The following MYO18B variants were observed in gnomAD, a reference collection of about 807,000 sequenced individuals.
MYO18B encodes myosin XVIIIB, also known as unconventional myosin-XVIIIb.
MYO18B carries 204 observed loss-of-function variants against 273.0 expected under a neutral mutation model. The observed-to-expected ratio is 0.75, with a 90% CI of 0.67 to 0.84. The LOEUF (loss-of-function observed/expected upper bound fraction) is 0.84. Ranked by LOEUF, MYO18B falls within the 40% of genes least tolerant of loss-of-function variation. The pLI, the probability that MYO18B is intolerant of heterozygous loss-of-function variation, is 0.00. For missense variants in MYO18B, 3,212 were observed against 3,287.6 expected, an observed-to-expected ratio of 0.98 and a Z score of 0.56; for synonymous variants, 1,330 against 1,305.7, an observed-to-expected ratio of 1.02 and a Z score of -0.40.
intron 27 of MYO18B, among the ~76,000 whole-genome samples, chr22:25,892,810 T>C (rs2091697032): frequency 6.6e-6 from 1 of 152,138 alleles, no homozygotes; most frequent in South Asian, 2.1e-4. Context: ...GGGAACATGT[T>C]GGTATAAAAT....
At chr22:25,993,903 A>AT (rs557708965) in intron 40 of MYO18B, among the ~76,000 whole-genome samples, 91 of 119,168 alleles carry the variant, frequency 7.6e-4, no homozygotes, top group African/African-American at 2.9e-3. Context: ...TACGGGTGAC[A>AT]ATTTTTTTTT....
At chr22:25,831,744 C>T (rs755851117) in intron 15 of MYO18B, among the ~76,000 whole-genome samples, 15 of 152,248 alleles carry the variant, frequency 9.9e-5, no homozygotes, top group Admixed American at 1.3e-4. Flanking sequence ...CTTCCAGCAC[C>T]GAACACTCAG....
intron 12 of MYO18B, among the ~76,000 whole-genome samples, chr22:25,814,819 A>G (rs560281833): frequency 6.6e-6 from 1 of 152,346 alleles, no homozygotes; most frequent in South Asian, 2.1e-4. Context: ...AGTGCTTTGT[A>G]TGGATTATTC....
intron 25 of MYO18B, among the ~76,000 whole-genome samples, chr22:25,885,819 T>C (rs1190161759): frequency 6.6e-6 from 1 of 152,224 alleles, no homozygotes; most frequent in Non-Finnish European, 1.5e-5. Flanking sequence ...AGGCCATAAC[T>C]GTCCCTTCAT....
At chr22:25,888,855 A>G (rs1455417019) in intron 25 of MYO18B, among the ~76,000 whole-genome samples, 5 of 152,200 alleles carry the variant, frequency 3.3e-5, no homozygotes, top group Non-Finnish European at 5.9e-5. Flanking sequence ...TGATGCGGTC[A>G]ACAGGGTGGG....
At chr22:25,819,342 G>A (rs930749987) in intron 12 of MYO18B, among the ~76,000 whole-genome samples, 7 of 152,176 alleles carry the variant, frequency 4.6e-5, no homozygotes, top group Admixed American at 2.0e-4. Flanking sequence ...CTCCCAGCTC[G>A]TTGAGGCCAG....
At chr22:25,823,256 T>G (rs2089351480) in intron 12 of MYO18B, among the ~76,000 whole-genome samples, 1 of 152,202 alleles carries the variant, frequency 6.6e-6, no homozygotes, top group South Asian at 2.1e-4. Flanking sequence ...CCCCATGATA[T>G]TTTTAATCGC....
At chr22:25,811,450 T>C (rs2088756379) in intron 12 of MYO18B, among the ~76,000 whole-genome samples, 1 of 152,222 alleles carries the variant, frequency 6.6e-6, no homozygotes, top group South Asian at 2.1e-4. Flanking sequence ...GCAGTACATA[T>C]TGAAACCAGG....
rs59165419 is a variant in MYO18B, at chr22:25,760,434, A to AAAAAAAAAAAAC, written c.-109-550_-109-549insAAAAAAAAAAAC. On this transcript the variant is annotated intron_variant, in intron 1 of 43. Transcript: ENST00000335473. ...CTCAAAAAAAAAAAAAAAAAAAAAA[A>AAAAAAAAAAAAC]CACAAAAACAAATAATAGTGGTTTC... 1.2e-4 allele frequency among the ~76,000 whole-genome samples: 13 copies of AAAAAAAAAAAAC among 111,552 alleles called. 1 individual carries two copies. Among genetic ancestry groups the AAAAAAAAAAAAC allele is most frequent in the East Asian group, 9.8e-4 (3 of 3,048 alleles). The allele number at this position is 111,552 out of a possible 152,430, so 73.2% of individuals were successfully genotyped here.
chr22:26,042,587 C>G, the MYO18B span, among the ~76,000 whole-genome samples: 2 of 152,188 alleles, frequency 1.3e-5, no homozygotes, highest in African/African-American at 2.4e-5. Context: ...ATGAGTGTTA[C>G]AGGAGCCCCC....
chr22:25,997,320 A>AAAAC (rs1555984587), intron 40 of MYO18B, among the ~76,000 whole-genome samples: 5 of 150,024 alleles, frequency 3.3e-5, no homozygotes, highest in African/African-American at 1.2e-4. Flanking sequence ...AAAAAAAAAA[A>AAAAC]AAAAAAAAAA....
chr22:26,046,431 C>T, the MYO18B span, among the ~76,000 whole-genome samples: 96 of 152,306 alleles, frequency 6.3e-4, 1 homozygote, highest in African/African-American at 1.9e-3. Context: ...CAGAAATGTC[C>T]TCAAGGGCAC....
At chr22:26,010,329 C>G (rs1034425786) in intron 42 of MYO18B, among the ~76,000 whole-genome samples, 2 of 152,164 alleles carry the variant, frequency 1.3e-5, no homozygotes, top group Non-Finnish European at 1.5e-5. Flanking sequence ...TTCAGTGGCT[C>G]CTCATTGCCT....
At chr22:25,786,093 C>T (rs546758469) in intron 11 of MYO18B, among the ~76,000 whole-genome samples, 163 of 152,264 alleles carry the variant, frequency 1.1e-3, no homozygotes, top group African/African-American at 3.8e-3. Flanking sequence ...ATTATTTTAA[C>T]CATTGTTTTC....
At chr22:25,780,018 G>A (rs765526990) in intron 8 of MYO18B, 38 bp from the exon 9 acceptor site, 3 of 1,533,148 alleles carry the variant, frequency 2.0e-6, no homozygotes, top group Non-Finnish European at 1.8e-6. Context: ...CAGCACCTGG[G>A]CCATCAGTGA....
At position 25,824,700 on chromosome 22, in the gene MYO18B, T is replaced by C. The variant is rs2089422743; in HGVS notation, c.2695+1022T>C. On this transcript the variant is annotated intron_variant, in intron 13 of 43. Coordinates refer to ENST00000335473, the MANE Select transcript of MYO18B (RefSeq NM_032608.7). ...GAGGACTGATGTCACTTGGACCCCA[T>C]TGGCCCTCTATGTCTCCTTTCAGGT... Among the ~76,000 whole-genome samples the C allele has an allele frequency of 2.0e-5, 3 of 152,268 alleles. No homozygotes were observed. The South Asian group carries it at 6.2e-4, about 32-fold the overall frequency.
intron 42 of MYO18B, among the ~76,000 whole-genome samples, chr22:26,021,514 A>G (rs1569302561): frequency 6.6e-6 from 1 of 152,202 alleles, no homozygotes; most frequent in Non-Finnish European, 1.5e-5. Context: ...ACTCAACACA[A>G]ATTCATTGAG....
chr22:25,953,316 G>A (rs957584009), intron 38 of MYO18B, among the ~76,000 whole-genome samples: 3 of 152,120 alleles, frequency 2.0e-5, no homozygotes, highest in African/African-American at 2.4e-5. Context: ...AGATGACCCC[G>A]GAGAGGTCAA....
intron 3 of MYO18B, among the ~76,000 whole-genome samples, chr22:25,764,854 T>G (rs2086448869): frequency 6.6e-6 from 1 of 152,226 alleles, no homozygotes; most frequent in Non-Finnish European, 1.5e-5. Context: ...TGGATGGGAT[T>G]CTACCCATTT....
Sources: allele counts gnomAD v4.1 joint callset (sites outside exome capture counted in the v4.1 genomes callset), GRCh38; gene constraint gnomAD v4.1.1; transcripts MANE v1.5; gene names NCBI Gene and HGNC (gene_info 2026-07-23, HGNC 2026-07-21).